DCAF8L2: variants seen among roughly 807,000 people sequenced by gnomAD.
DCAF8L2 encodes DDB1 and CUL4 associated factor 8 like 2.
For synonymous variants in DCAF8L2, 200 were observed against 190.9 expected (o/e 1.05, Z -0.39); for missense variants, 430 against 490.7 (o/e 0.88, Z 1.17).
the DCAF8L2 span, among the ~76,000 whole-genome samples, chrX:27,580,749 T>C: frequency 3.6e-5 from 4 of 111,753 alleles, no homozygotes; most frequent in African/African-American, 9.8e-5. Context: ...AATGTTAGAA[T>C]AAATATTAAA....
chrX:27,707,069 T>G (rs979974501), intron 3 of DCAF8L2, among the ~76,000 whole-genome samples: 2 of 111,389 alleles, frequency 1.8e-5, no homozygotes, highest in Non-Finnish European at 3.8e-5. Flanking sequence ...CATAAAATGT[T>G]TAGAATAGGC....
At chrX:27,517,161 C>T in the DCAF8L2 span, among the ~76,000 whole-genome samples, 1 of 111,599 alleles carries the variant, frequency 9.0e-6, no homozygotes, top group African/African-American at 3.3e-5. Context: ...AACTAACCAC[C>T]AGCTGTACAT....
At chrX:27,658,971 C>T (rs1420705000) in intron 2 of DCAF8L2, among the ~76,000 whole-genome samples, 1 of 111,856 alleles carries the variant, frequency 8.9e-6, no homozygotes, top group African/African-American at 3.2e-5. Flanking sequence ...TTTAATAATT[C>T]TCGCCCCCAC....
intron 3 of DCAF8L2, among the ~76,000 whole-genome samples, chrX:27,704,183 C>CACACACACACACACATAT (rs1569187007): frequency 1.3e-5 from 1 of 74,575 alleles, no homozygotes; most frequent in African/African-American, 9.7e-5. Flanking sequence ...TACATATACA[C>CACACACACACACACATAT]ACACACATAT....
At chrX:27,638,070 A>G in intron 2 of DCAF8L2, among the ~76,000 whole-genome samples, 1 of 111,911 alleles carries the variant, frequency 8.9e-6, no homozygotes, top group East Asian at 2.8e-4. Flanking sequence ...GAAGGAAGGA[A>G]GGTTAGGTAG....
intron 1 of DCAF8L2, among the ~76,000 whole-genome samples, chrX:27,597,235 G>T (rs985915529): frequency 9.0e-6 from 1 of 111,618 alleles, no homozygotes; most frequent in African/African-American, 3.3e-5. Context: ...CTTTTTAGCA[G>T]ATATAGGAAG....
the DCAF8L2 span, among the ~76,000 whole-genome samples, chrX:27,531,175 G>T: frequency 3.6e-5 from 4 of 111,786 alleles, no homozygotes. Flanking sequence ...CGTTTAATTG[G>T]CTCGCAGTTC....
intron 3 of DCAF8L2, among the ~76,000 whole-genome samples, chrX:27,705,483 A>G (rs904035186): frequency 6.3e-5 from 7 of 111,524 alleles, no homozygotes; most frequent in African/African-American, 2.3e-4. Context: ...CATTATAGCC[A>G]TCCTACTGAA....
chrX:27,476,194 A>G, the DCAF8L2 span, among the ~76,000 whole-genome samples: 3 of 110,352 alleles, frequency 2.7e-5, no homozygotes, highest in Admixed American at 2.9e-4. Flanking sequence ...AACCGAGACT[A>G]CTTGAAAAAA....
chrX:27,530,645 G>A, the DCAF8L2 span, among the ~76,000 whole-genome samples: 1 of 111,422 alleles, frequency 9.0e-6, no homozygotes, highest in Non-Finnish European at 1.9e-5. Flanking sequence ...CTACAGGATG[G>A]AGACAAATTG....
chrX:27,523,836 C>A, the DCAF8L2 span, among the ~76,000 whole-genome samples: 1 of 110,421 alleles, frequency 9.1e-6, no homozygotes, highest in Non-Finnish European at 1.9e-5. Context: ...TCTCATTGTT[C>A]AATTCCCACC....
chrX:27,506,635 A>T, the DCAF8L2 span, among the ~76,000 whole-genome samples: 1 of 110,460 alleles, frequency 9.1e-6, no homozygotes, highest in South Asian at 3.9e-4. Flanking sequence ...TCTCTCATGT[A>T]TCTGTCTTCA....
intron 4 of DCAF8L2, among the ~76,000 whole-genome samples, chrX:27,719,668 C>T (rs756040866): frequency 5.4e-5 from 6 of 110,961 alleles, no homozygotes; most frequent in African/African-American, 2.0e-4. Flanking sequence ...TGGTCTCAAA[C>T]TTCTGACCTC....
chrX:27,502,336 ATATAT>A, the DCAF8L2 span, among the ~76,000 whole-genome samples: 150 of 10,900 alleles, frequency 0.014, 2 homozygotes, highest in Admixed American at 0.028. Flanking sequence ...AAAAAAAAAA[ATATAT>A]ATATATATAT....
the DCAF8L2 span, among the ~76,000 whole-genome samples, chrX:27,483,460 G>A: frequency 2.7e-5 from 3 of 111,856 alleles, no homozygotes; most frequent in East Asian, 5.6e-4. Context: ...AAATTTTAAC[G>A]AAACTAAGAG....
intron 4 of DCAF8L2, among the ~76,000 whole-genome samples, chrX:27,720,418 C>T (rs974155564): frequency 9.0e-6 from 1 of 110,562 alleles, no homozygotes; most frequent in Non-Finnish European, 1.9e-5. Flanking sequence ...CTAGGCCGGA[C>T]TGCGGACTGC....
At chrX:27,503,333 A>G in the DCAF8L2 span, among the ~76,000 whole-genome samples, 13 of 110,668 alleles carry the variant, frequency 1.2e-4, no homozygotes, top group Non-Finnish European at 2.3e-4. Flanking sequence ...TTTTGCTTTT[A>G]TTGATTGTGC....
the DCAF8L2 span, among the ~76,000 whole-genome samples, chrX:27,559,708 A>C: frequency 1.7e-3 from 187 of 111,506 alleles, no homozygotes; most frequent in Non-Finnish European, 3.0e-3. Flanking sequence ...TCAACTAGTC[A>C]GGTAGGTCAC....
intron 3 of DCAF8L2, among the ~76,000 whole-genome samples, chrX:27,690,482 C>A (rs1415860018): frequency 1.8e-5 from 2 of 111,213 alleles, no homozygotes; most frequent in African/African-American, 6.5e-5. Flanking sequence ...GAAAGAGATA[C>A]AATTTTTCAT....
Sources: allele counts gnomAD v4.1 joint callset (sites outside exome capture counted in the v4.1 genomes callset), GRCh38; gene constraint gnomAD v4.1.1; transcripts MANE v1.5; gene names NCBI Gene and HGNC (gene_info 2026-07-23, HGNC 2026-07-21).